The following NGLY1 variants were observed in gnomAD, a reference collection of about 807,000 sequenced individuals.
The protein encoded by NGLY1 is peptide-N(4)-(N-acetyl-beta-glucosaminyl)asparagine amidase.
NGLY1 carries 68 observed loss-of-function variants against 84.6 expected under a neutral mutation model. The observed-to-expected ratio is 0.80, with a 90% CI of 0.66 to 0.98. NGLY1 has a LOEUF of 0.98. Among genes scored for constraint, NGLY1 ranks in the 50% least tolerant of loss-of-function variants. The probability of loss-of-function intolerance (pLI) is 0.00; values close to 1 mark genes in which losing one functional copy is unlikely to be tolerated. For synonymous variants in NGLY1, 280 were observed against 275.2 expected, an observed-to-expected ratio of 1.02 and a Z score of -0.17; for missense variants, 779 against 770.2, an observed-to-expected ratio of 1.01 and a Z score of -0.14.
chr3:25,772,688 A>G (rs557219410), intron 2 of NGLY1, among the ~76,000 whole-genome samples: 1 of 73,552 alleles, frequency 1.4e-5, no homozygotes, highest in African/African-American at 2.7e-5. Flanking sequence ...TTGTGTGAAT[A>G]CTTTGTTTTT....
chr3:25,772,261 T>C (rs530817913), intron 2 of NGLY1, among the ~76,000 whole-genome samples: 1 of 152,340 alleles, frequency 6.6e-6, no homozygotes, highest in South Asian at 2.1e-4. Context: ...GTCTCCACTA[T>C]TATTGTGTTG....
intron 4 of NGLY1, among the ~76,000 whole-genome samples, chr3:25,742,886 A>G (rs1457588674): frequency 1.4e-4 from 4 of 28,752 alleles, no homozygotes; most frequent in African/African-American, 2.7e-4. Context: ...TTATGTGGCA[A>G]AAAAAAAAAA....
chr3:25,741,366 A>G (rs2125489867), intron 4 of NGLY1, among the ~76,000 whole-genome samples: 1 of 152,226 alleles, frequency 6.6e-6, no homozygotes, highest in South Asian at 2.1e-4. Context: ...AATGCACAGT[A>G]TTTAATAAAG....
At chr3:25,755,419 G>T (rs553996447) in intron 3 of NGLY1, 1 of 1,451,202 alleles carries the variant, frequency 6.9e-7, no homozygotes, top group South Asian at 1.1e-5. Flanking sequence ...CACAAACAGT[G>T]TCTGTCCCAA....
intron 4 of NGLY1, among the ~76,000 whole-genome samples, chr3:25,748,040 T>G (rs564812062): frequency 6.6e-6 from 1 of 152,104 alleles, no homozygotes; most frequent in Non-Finnish European, 1.5e-5. Flanking sequence ...TTCTTCACAA[T>G]TAAGGCCTCT....
Position 25,778,627 on chromosome 3 carries a change from G to A in NGLY1, c.193C>T (p.Leu65Phe), listed in dbSNP as rs1708259192. ...TCAACAGCTCCTCTGACAGGCAAGA[G>A]TCTAGTAGAAAAGGCTGTGTTTCCA... Reference protein sequence around the residue: ...RIGNTAFSTRLLPVRGAVECL... With the variant: ...RIGNTAFSTRFLPVRGAVECL... Residue 65 changes from leucine to phenylalanine, a missense_variant, in exon 2 of 12, where the codon CTC becomes TTC. Leu to Phe is a conservative substitution (Grantham distance 22). Coordinates refer to ENST00000280700, the MANE Select transcript of NGLY1 (RefSeq NM_018297.4). The A allele has an allele frequency of 1.2e-6, 2 of 1,612,662 alleles. No homozygotes were observed. Among genetic ancestry groups the A allele is most frequent in the East Asian group, 4.5e-5 (2 of 44,788 alleles).
At chr3:25,767,387 T>C (rs1264328585) in intron 2 of NGLY1, among the ~76,000 whole-genome samples, 1 of 152,174 alleles carries the variant, frequency 6.6e-6, no homozygotes, top group East Asian at 1.9e-4. Context: ...ACAGGATATT[T>C]AGCAAACCTG....
intron 2 of NGLY1, among the ~76,000 whole-genome samples, chr3:25,769,786 C>A (rs1707807014): frequency 1.3e-5 from 2 of 151,898 alleles, no homozygotes; most frequent in South Asian, 4.2e-4. Context: ...TTTTAAATTT[C>A]TTTTATTTAA....
chr3:25,768,476 T>A (rs1239792548), intron 2 of NGLY1, among the ~76,000 whole-genome samples: 2 of 148,108 alleles, frequency 1.4e-5, no homozygotes, highest in African/African-American at 5.0e-5. Flanking sequence ...CCTTAAAGTA[T>A]AACCTTAAAC....
intron 4 of NGLY1, 54 bp downstream of exon 4, chr3:25,751,042 CTG>C: frequency 6.5e-7 from 1 of 1,529,606 alleles, no homozygotes; most frequent in Non-Finnish European, 8.9e-7. Flanking sequence ...TCAGTATTTT[CTG>C]TTTATTTAGC....
intron 4 of NGLY1, among the ~76,000 whole-genome samples, chr3:25,742,912 G>T (rs1432891408): frequency 3.0e-5 from 4 of 133,256 alleles, no homozygotes; most frequent in South Asian, 2.4e-4. Context: ...AAAAAAAAAG[G>T]TCTTTGCAGA....
At chr3:25,753,719 G>GA (rs1029128145) in intron 3 of NGLY1, among the ~76,000 whole-genome samples, 3 of 150,422 alleles carry the variant, frequency 2.0e-5, no homozygotes, top group African/African-American at 4.9e-5. Context: ...ACCTATTATA[G>GA]AAAAAAAACT....
At chr3:25,782,048 G>T (rs892193720) in intron 1 of NGLY1, among the ~76,000 whole-genome samples, 2 of 152,120 alleles carry the variant, frequency 1.3e-5, no homozygotes, top group African/African-American at 4.8e-5. Flanking sequence ...AGAGCACGAA[G>T]GTGGTCCCCA....
At chr3:25,787,974 T>C (rs1285598053), upstream of NGLY1, among the ~76,000 whole-genome samples, 1 of 152,248 alleles carries the variant, frequency 6.6e-6, no homozygotes, top group African/African-American at 2.4e-5. Context: ...GGATCATTTC[T>C]CTGAAGCCTT....
intron 10 of NGLY1, among the ~76,000 whole-genome samples, chr3:25,723,296 G>T (rs1705096763): frequency 6.6e-6 from 1 of 152,088 alleles, no homozygotes; most frequent in African/African-American, 2.4e-5. Context: ...TAAGACTCTA[G>T]AAAGTTAAAG....
chr3:25,785,494 C>G (rs1374671543), upstream of NGLY1, among the ~76,000 whole-genome samples: 1 of 149,342 alleles, frequency 6.7e-6, no homozygotes, highest in Non-Finnish European at 1.5e-5. Flanking sequence ...TTATACAGTA[C>G]TTGTAACTTT....
At chr3:25,741,434 A>G (rs1224292035) in intron 4 of NGLY1, among the ~76,000 whole-genome samples, 1 of 152,042 alleles carries the variant, frequency 6.6e-6, no homozygotes, top group Non-Finnish European at 1.5e-5. Context: ...ATATTAGGAC[A>G]AATAGCTATC....
rs373641035 is a variant in NGLY1, at chr3:25,733,968, A to G, written c.1164T>C (p.Thr388=). 3.7e-6 allele frequency: 6 copies of G among 1,613,622 alleles called. No individual in the cohort carries two copies. Among genetic ancestry groups the G allele is most frequent in the Non-Finnish European group, 5.1e-6 (6 of 1,179,700 alleles). Residue 388 remains threonine (T), a synonymous_variant, in exon 8 of 12, where the codon ACT becomes ACC. Transcript: ENST00000280700. ...AFSKDEVVDV[T]WRYSCKHEEV... is the part of the protein sequence containing the mutation. ...CTTCATGTTTGCAGGAATATCGCCA[A>G]GTGACATCAACTACCTGAAACAAAT...
At chr3:25,734,676 C>T in intron 7 of NGLY1, 4 of 552,744 alleles carry the variant, frequency 7.2e-6, no homozygotes, top group Non-Finnish European at 9.2e-6. Flanking sequence ...CATGCAACTG[C>T]ACTCCAGCCT....
Sources: allele counts gnomAD v4.1 joint callset (sites outside exome capture counted in the v4.1 genomes callset), GRCh38; gene constraint gnomAD v4.1.1; transcripts MANE v1.5; gene names NCBI Gene and HGNC (gene_info 2026-07-23, HGNC 2026-07-21).